WHRN: variants seen among roughly 807,000 people sequenced by gnomAD.
WHRN encodes CASK-interacting protein CIP98.
A neutral mutation model predicts 68.3 loss-of-function variants in WHRN; 41 were observed. The observed-to-expected ratio is 0.60, with a 90% confidence interval of 0.47 to 0.78. The LOEUF is 0.78. Among genes scored for constraint, WHRN ranks in the 30% least tolerant of loss-of-function variants. The pLI is 0.00. For synonymous variants in WHRN, 560 were observed against 561.3 expected (o/e 1.00, Z 0.03); for missense variants, 1,243 against 1,244.7 (o/e 1.00, Z 0.02).
chr9:114,403,675 G>A (rs897995277), intron 10 of WHRN, among the ~76,000 whole-genome samples: 1 of 152,230 alleles, frequency 6.6e-6, no homozygotes, highest in Non-Finnish European at 1.5e-5. Flanking sequence ...ACCAATCTCA[G>A]CCTCAGCCCC....
intron 9 of WHRN, among the ~76,000 whole-genome samples, chr9:114,405,619 C>T (rs1834970463): frequency 6.6e-6 from 1 of 152,200 alleles, no homozygotes; most frequent in Admixed American, 6.5e-5. Flanking sequence ...GTCTTCTCAC[C>T]ACGTCTGCCT....
At position 114,466,410 on chromosome 9, in the gene WHRN, T is replaced by TA; in HGVS notation, c.838-19dup. The stretch of plus-strand genomic sequence containing the variant: ...AGGTTCACCTGTCAGAGGGAGAGGA[T>TA]AACATTAGAGGGACTGGAGGAGCCA... On this transcript the variant is annotated intron_variant, in intron 2 of 11. Transcript: ENST00000362057. 1 of 1,613,674 alleles carries TA rather than the reference T, an allele frequency of 6.2e-7. No individual in the cohort carries two copies. The highest frequency in any genetic ancestry group is 8.5e-7 in the Non-Finnish European group (1 of 1,179,996).
At chr9:114,419,670 G>A (rs1278533194) in intron 7 of WHRN, among the ~76,000 whole-genome samples, 1 of 152,224 alleles carries the variant, frequency 6.6e-6, no homozygotes, top group Admixed American at 6.5e-5. Flanking sequence ...GTCATATGAA[G>A]TGGGGAGAAG....
intron 1 of WHRN, among the ~76,000 whole-genome samples, chr9:114,482,122 T>C (rs1484158812): frequency 6.6e-6 from 1 of 151,510 alleles, no homozygotes; most frequent in Middle Eastern, 3.2e-3. Flanking sequence ...TAGAAGGTCT[T>C]CACGACACAT....
intron 1 of WHRN, among the ~76,000 whole-genome samples, chr9:114,497,206 G>C (rs935520040): frequency 6.6e-6 from 1 of 152,168 alleles, no homozygotes; most frequent in South Asian, 2.1e-4. Flanking sequence ...ATGGAAGGCT[G>C]ATATATTTGC....
Position 114,459,752 on chromosome 9 carries a change from C to T in WHRN, c.963+6515G>A, listed in dbSNP as rs181487527. Among the ~76,000 whole-genome samples the T allele has an allele frequency of 2.6e-5, 4 of 152,368 alleles. No individual in the cohort carries two copies. The East Asian group carries it at 7.7e-4, about 29-fold the overall frequency. On this transcript the variant is annotated intron_variant, in intron 3 of 11. Transcript: ENST00000362057. ...CACAGTCACTGAAACATTGTTTCTG[C>T]ACCAGACACTCGATGGGCCTTCATT...
At chr9:114,504,057 TAAA>T (rs5900094) in intron 1 of WHRN, 124 bp downstream of exon 1, 4,321 of 1,025,418 alleles carry the variant, frequency 4.2e-3, no homozygotes, top group Non-Finnish European at 5.0e-3. Flanking sequence ...TTTAAAGTAT[TAAA>T]AAAAAAAAAA....
chr9:114,489,093 G>C (rs568645946), intron 1 of WHRN, among the ~76,000 whole-genome samples: 1 of 152,128 alleles, frequency 6.6e-6, no homozygotes, highest in East Asian at 1.9e-4. Context: ...GCCTTTGCAC[G>C]TGATGCTCTG....
At chr9:114,492,855 T>C (rs1485953613) in intron 1 of WHRN, among the ~76,000 whole-genome samples, 1 of 151,458 alleles carries the variant, frequency 6.6e-6, no homozygotes, top group Non-Finnish European at 1.5e-5. Flanking sequence ...CACACACAAA[T>C]ATATATACAC....
intron 3 of WHRN, among the ~76,000 whole-genome samples, chr9:114,447,511 T>C (rs1335616826): frequency 6.6e-6 from 1 of 152,118 alleles, no homozygotes; most frequent in African/African-American, 2.4e-5. Flanking sequence ...AGCATGGTAC[T>C]TCTTAACAGG....
At chr9:114,453,004 C>A (rs1439739046) in intron 3 of WHRN, among the ~76,000 whole-genome samples, 2 of 152,196 alleles carry the variant, frequency 1.3e-5, no homozygotes, top group African/African-American at 4.8e-5. Context: ...ACTCTCCACA[C>A]CTGCTTCCTG....
intron 11 of WHRN, 128 bp from the exon 12 acceptor site, chr9:114,403,064 G>C: frequency 6.5e-7 from 1 of 1,527,042 alleles, no homozygotes; most frequent in African/African-American, 1.4e-5. Flanking sequence ...TCTCGGATTA[G>C]GAAAGCTGAG....
rs140406203 is a variant in WHRN, at chr9:114,435,023, C to T, written c.964-8610G>A. 7.2e-5 allele frequency among the ~76,000 whole-genome samples: 11 copies of T among 152,282 alleles called. No individual in the cohort carries two copies. The East Asian group carries it at 1.7e-3, about 24-fold the overall frequency. On this transcript the variant is annotated intron_variant, in intron 3 of 11. Transcript: ENST00000362057. ...TTGTTCCTCTGCCCAAAACGTATTT[C>T]CCTTCATTCCTCACCTGGATAACAC...
chr9:114,438,517 A>G (rs913633807), intron 3 of WHRN, among the ~76,000 whole-genome samples: 4 of 149,210 alleles, frequency 2.7e-5, no homozygotes, highest in Non-Finnish European at 5.9e-5. Flanking sequence ...CAGTGGCGCA[A>G]TCTTGGCTCA....
chr9:114,504,920 G>C lies in WHRN; in HGVS notation c.-119C>G, dbSNP rs1051572807. The stretch of plus-strand genomic sequence containing the variant: ...AGCGCGGAGACGACGGCTGGAGCCT[G>C]GGTTTGGGGAGCACGGGTACAGTGG... On this transcript the variant is annotated 5_prime_UTR_variant, in exon 1 of 12. Transcript: ENST00000362057. The C allele has an allele frequency of 7.7e-7, 1 of 1,303,288 alleles. No homozygotes were observed. Among genetic ancestry groups the C allele is most frequent in the Non-Finnish European group, 9.7e-7 (1 of 1,027,012 alleles). 80.7% of individuals were successfully genotyped at this position (1,303,288 alleles called of 1,614,324 possible). A position where few individuals can be genotyped will look rare whatever the true frequency, so the allele number is the denominator to read the frequency against.
intron 7 of WHRN, among the ~76,000 whole-genome samples, chr9:114,418,985 C>G (rs932460847): frequency 6.6e-6 from 1 of 151,962 alleles, no homozygotes; most frequent in Non-Finnish European, 1.5e-5. Flanking sequence ...ACATAGCACA[C>G]AGTAAATGCT....
At chr9:114,493,425 T>C (rs1035427179) in intron 1 of WHRN, among the ~76,000 whole-genome samples, 3 of 151,566 alleles carry the variant, frequency 2.0e-5, no homozygotes, top group Non-Finnish European at 4.4e-5. Flanking sequence ...CCTAGACAAA[T>C]TCCTCTATTC....
chr9:114,420,521 G>A (rs772999424), intron 7 of WHRN, among the ~76,000 whole-genome samples: 11 of 152,144 alleles, frequency 7.2e-5, no homozygotes, highest in Non-Finnish European at 1.3e-4. Flanking sequence ...TGGAAGCCTC[G>A]GTTGGAGAAG....
rs771729987 is a variant in WHRN, at chr9:114,406,728, G to A, written c.1863C>T (p.Phe621=). The A allele has an allele frequency of 2.5e-6, 4 of 1,614,132 alleles. No homozygotes were observed. The highest frequency in any genetic ancestry group is 3.4e-6 in the Non-Finnish European group (4 of 1,180,016). The change falls in exon 9 of 12, where the codon TTC becomes TTT. Residue 621 remains phenylalanine, a synonymous_variant. Transcript: ENST00000362057. ...GCGGGCTGCGGTTCTGTGGAGCCGAGAAGACAGTGCCCGAGCAGGAAGGCA... is the reference window on the plus strand; with the variant it reads ...GCGGGCTGCGGTTCTGTGGAGCCGAAAAGACAGTGCCCGAGCAGGAAGGCA... The part of the protein sequence containing the change: ...SSMPSCSGTV[F]SAPQNRSPPA...
Sources: allele counts gnomAD v4.1 joint callset (sites outside exome capture counted in the v4.1 genomes callset), GRCh38; gene constraint gnomAD v4.1.1; transcripts MANE v1.5; gene names NCBI Gene and HGNC (gene_info 2026-07-23, HGNC 2026-07-21).